The following UGP2 variants were observed in gnomAD, a reference collection of about 807,000 sequenced individuals.
UGP2 encodes UTP--glucose-1-phosphate uridylyltransferase.
UGP2 carries 40 observed loss-of-function variants against 49.0 expected under a neutral mutation model. The ratio of observed to expected loss-of-function variants is 0.82; its 90% CI spans 0.63 to 1.06. The LOEUF (loss-of-function observed/expected upper bound fraction) is 1.06, where lower values mean the gene tolerates loss of function less well. Among genes scored for constraint, UGP2 ranks in the 50% least tolerant of loss-of-function variants. The pLI, the probability that UGP2 is intolerant of heterozygous loss-of-function variation, is 0.00. For missense variants in UGP2, 460 were observed against 603.5 expected (o/e 0.76, Z 2.49); for synonymous variants, 225 against 213.0 (o/e 1.06, Z -0.49).
intron 3 of UGP2, among the ~76,000 whole-genome samples, chr2:63,878,876 A>G (rs149932043): frequency 9.1e-4 from 138 of 152,188 alleles, no homozygotes; most frequent in African/African-American, 2.6e-3. Context: ...AGAACTTTCT[A>G]TTATTTATGG....
chr2:63,870,816 G>C (rs1670498546), intron 3 of UGP2, among the ~76,000 whole-genome samples: 1 of 152,180 alleles, frequency 6.6e-6, no homozygotes, highest in Non-Finnish European at 1.5e-5. Flanking sequence ...TTATAATAGA[G>C]CCAGAGAACT....
intron 3 of UGP2, among the ~76,000 whole-genome samples, chr2:63,881,241 T>A (rs890613619): frequency 1.3e-5 from 2 of 152,136 alleles, no homozygotes; most frequent in Non-Finnish European, 2.9e-5. Flanking sequence ...ACATATGATA[T>A]ATGTATGTAT....
At chr2:63,858,030 T>A in intron 3 of UGP2, 94 bp downstream of exon 3, 1 of 1,123,216 alleles carries the variant, frequency 8.9e-7, no homozygotes, top group Non-Finnish European at 1.3e-6. Context: ...CCTATAACAA[T>A]CATGTGAGAC....
chr2:63,841,769 C>G (rs1418009952), upstream of UGP2: 1 of 159,552 alleles, frequency 6.3e-6, no homozygotes, highest in East Asian at 1.8e-4. Flanking sequence ...CAGCTAGGGG[C>G]GCGGCCTGCC....
At chr2:63,882,440 C>G (rs780519475) in intron 3 of UGP2, 26 bp from the exon 4 acceptor site, 1 of 1,515,818 alleles carries the variant, frequency 6.6e-7, no homozygotes, top group Non-Finnish European at 8.9e-7. Flanking sequence ...GTTTAAATTA[C>G]TCCTATAATG....
rs762872765 is a variant in UGP2, at chr2:63,882,484, A to C, written c.274A>C (p.Ile92Leu). ...PEDSIQPYEKIKARGLPDNIS... is the reference protein window; with the variant it reads ...PEDSIQPYEKLKARGLPDNIS... ...CTTTCAGATTCAACCCTATGAAAAG[A>C]TAAAGGCCAGGGGCTTGCCTGATAA... The change falls in exon 4 of 10, where the codon ATA (isoleucine) becomes CTA (leucine). Residue 92 changes from isoleucine to leucine, a missense_variant. Physicochemically the swap from Ile to Leu is conservative, Grantham distance 5 (BLOSUM62 2). This residue lies in a region of UGP2 where 143 missense variants were observed against 130.4 expected (regional missense o/e 1.10). Transcript: ENST00000337130. The C allele has an allele frequency of 6.3e-7, 1 of 1,589,226 alleles. No individual in the cohort carries two copies.
At chr2:63,861,776 AG>A (rs1669869981) in intron 3 of UGP2, among the ~76,000 whole-genome samples, 2 of 151,758 alleles carry the variant, frequency 1.3e-5, no homozygotes, top group African/African-American at 4.9e-5. Flanking sequence ...AACAGGGAGG[AG>A]TTATGTAGGG....
chr2:63,886,619 C>G, intron 7 of UGP2, 81 bp downstream of exon 7: 1 of 1,476,938 alleles, frequency 6.8e-7, no homozygotes, highest in African/African-American at 1.4e-5. Context: ...CGCCCACTCC[C>G]TCTGTCCCAT....
chr2:63,869,219 A>G (rs1670380398), intron 3 of UGP2, among the ~76,000 whole-genome samples: 1 of 152,188 alleles, frequency 6.6e-6, no homozygotes, highest in Non-Finnish European at 1.5e-5. Context: ...TAGAGGTAAT[A>G]TTTTAGATAG....
intron 3 of UGP2, among the ~76,000 whole-genome samples, chr2:63,861,704 C>CA (rs1669864573): frequency 1.5e-5 from 2 of 131,512 alleles, no homozygotes; most frequent in African/African-American, 2.8e-5. Context: ...AAAAAAAAAA[C>CA]AAAAAAACGA....
chr2:63,850,328 T>G (rs1668966386), intron 1 of UGP2, among the ~76,000 whole-genome samples: 2 of 152,224 alleles, frequency 1.3e-5, no homozygotes, highest in Non-Finnish European at 2.9e-5. Context: ...AAAAAGCATT[T>G]ATTAACCATT....
chr2:63,881,706 G>T (rs1671331419), intron 3 of UGP2, among the ~76,000 whole-genome samples: 1 of 152,162 alleles, frequency 6.6e-6, no homozygotes, highest in African/African-American at 2.4e-5. Context: ...ATAGATTAAG[G>T]CCCTCTGCTC....
chr2:63,857,338 C>T (rs1256610363), intron 2 of UGP2, among the ~76,000 whole-genome samples: 1 of 151,614 alleles, frequency 6.6e-6, no homozygotes, highest in Non-Finnish European at 1.5e-5. Flanking sequence ...GTTGGAATTC[C>T]CATTAAACAA....
upstream of UGP2, chr2:63,841,268 T>G (rs1671514629): frequency 6.6e-6 from 1 of 151,326 alleles, no homozygotes. Flanking sequence ...GGGGCGGGGT[T>G]GGGCTTCCGG....
intron 6 of UGP2, 87 bp downstream of exon 6, chr2:63,885,973 CTA>C: frequency 7.4e-7 from 1 of 1,359,526 alleles, no homozygotes; most frequent in Non-Finnish European, 9.8e-7. Context: ...TTGAAAGTTT[CTA>C]TGTTAAACAA....
At chr2:63,850,589 G>A (rs531239191) in intron 1 of UGP2, among the ~76,000 whole-genome samples, 11 of 152,088 alleles carry the variant, frequency 7.2e-5, no homozygotes, top group Non-Finnish European at 1.3e-4. Context: ...CATTACATTG[G>A]CATTTATATT....
chr2:63,876,662 G>A (rs1670924775), intron 3 of UGP2, among the ~76,000 whole-genome samples: 1 of 152,152 alleles, frequency 6.6e-6, no homozygotes, highest in Admixed American at 6.5e-5. Context: ...TTAAGAGGTG[G>A]GGCGGCTTTC....
At chr2:63,861,687 CAAA>C (rs34304544) in intron 3 of UGP2, among the ~76,000 whole-genome samples, 2 of 91,576 alleles carry the variant, frequency 2.2e-5, no homozygotes, top group African/African-American at 4.3e-5. Context: ...GATCCTGTCT[CAAA>C]AAAAAAAAAA....
intron 1 of UGP2, among the ~76,000 whole-genome samples, chr2:63,847,136 C>T (rs1671988484): frequency 6.6e-6 from 1 of 151,992 alleles, no homozygotes; most frequent in South Asian, 2.1e-4. Context: ...TGATAAGGGA[C>T]ATTAGAGAAA....
Sources: allele counts gnomAD v4.1 joint callset (sites outside exome capture counted in the v4.1 genomes callset), GRCh38; gene constraint gnomAD v4.1.1; regional missense constraint gnomAD v4.1.1; transcripts MANE v1.5; gene names NCBI Gene and HGNC (gene_info 2026-07-23, HGNC 2026-07-21).